Variants in GNAL observed in about 807,000 individuals in gnomAD.
The protein encoded by GNAL is guanine nucleotide-binding protein G(olf) subunit alpha.
Under a neutral mutation model 55.1 loss-of-function variants are expected in GNAL, and 18 were observed. The ratio of observed to expected loss-of-function variants is 0.33; its 90% CI spans 0.23 to 0.48. GNAL has a LOEUF of 0.48. Ranked by LOEUF, GNAL falls within the 20% of genes least tolerant of loss-of-function variation. The probability of loss-of-function intolerance (pLI) is 0.99; values close to 1 mark genes in which losing one functional copy is unlikely to be tolerated. For synonymous variants in GNAL, 253 were observed against 237.0 expected (o/e 1.07, Z -0.62); for missense variants, 412 against 614.1 (o/e 0.67, Z 3.48).
chr18:11,782,792 T>G (rs2033956030), intron 4 of GNAL, among the ~76,000 whole-genome samples: 1 of 152,250 alleles, frequency 6.6e-6, no homozygotes, highest in Admixed American at 6.5e-5. Context: ...TTTTCTAGTT[T>G]AGAAACATGT....
chr18:11,883,633 A>G lies in GNAL; in HGVS notation c.*2498A>G, dbSNP rs931205312. 1.3e-5 allele frequency: 2 copies of G among 153,360 alleles called. No individual in the cohort carries two copies. The highest frequency in any genetic ancestry group is 4.8e-5 in the African/African-American group (2 of 41,446). The allele number at this position is 153,360 out of a possible 1,614,324, so 9.5% of individuals were successfully genotyped here. A position where few individuals can be genotyped will look rare whatever the true frequency, so the allele number is the denominator to read the frequency against. On this transcript the variant is annotated 3_prime_UTR_variant, in exon 12 of 12. Transcript: ENST00000334049. ...ACTTATCTAAAAATCTGATTCCATT[A>G]ATTGATCAAGTATAAAAATCTACGA... is the stretch of plus-strand genomic sequence containing the variant.
chr18:11,836,303 G>A (rs2035497197), intron 5 of GNAL, among the ~76,000 whole-genome samples: 2 of 152,032 alleles, frequency 1.3e-5, no homozygotes, highest in African/African-American at 4.8e-5. Context: ...AAAATTAGCT[G>A]GGCATGGTGG....
chr18:11,698,912 G>T (rs2031489559), intron 1 of GNAL, among the ~76,000 whole-genome samples: 1 of 151,830 alleles, frequency 6.6e-6, no homozygotes, highest in East Asian at 1.9e-4. Context: ...TTAATGGCAA[G>T]CAGGTTTTTC....
intron 4 of GNAL, among the ~76,000 whole-genome samples, chr18:11,815,050 C>G (rs1360914001): frequency 6.6e-6 from 1 of 152,102 alleles, no homozygotes; most frequent in African/African-American, 2.4e-5. Flanking sequence ...TTTGGGCATT[C>G]TATTACACAG....
rs753836093 is a variant in GNAL at position 11,862,456 on chromosome 18, G to A, written c.777+7G>A. 1.9e-6 allele frequency: 3 copies of A among 1,592,244 alleles called. No individual in the cohort carries two copies. The highest frequency in any genetic ancestry group is 2.2e-5 in the South Asian group (2 of 90,582). On this transcript the variant is annotated splice_region_variant and intron_variant, in intron 6 of 11. Transcript: ENST00000334049. The stretch of plus-strand genomic sequence containing the variant: ...CTACACACCCACAGACCAGGTATGT[G>A]GAATTAGGGTCCCCCACCACACACC...
At chr18:11,737,764 C>T (rs1346863300) in intron 1 of GNAL, among the ~76,000 whole-genome samples, 4 of 152,232 alleles carry the variant, frequency 2.6e-5, no homozygotes, top group Non-Finnish European at 5.9e-5. Flanking sequence ...CATATCAGCC[C>T]AGAGGAAGGG....
At chr18:11,714,726 A>C (rs940312253) in intron 1 of GNAL, among the ~76,000 whole-genome samples, 1 of 152,234 alleles carries the variant, frequency 6.6e-6, no homozygotes, top group Non-Finnish European at 1.5e-5. Flanking sequence ...TAGGTGACCT[A>C]TCTTCTGTCT....
rs529728587 is a variant in GNAL, at chr18:11,885,527, G to A, written c.*4392G>A. On this transcript the variant is annotated 3_prime_UTR_variant, in exon 12 of 12. Coordinates refer to ENST00000334049, the MANE Select transcript of GNAL (RefSeq NM_182978.4). ...TGGTTCCCGGAAGGGTGTTTGGCAA[G>A]GGGCAGTGTATGGAGCTACGTGTAG... 19 of 900,672 alleles carry A rather than the reference G, an allele frequency of 2.1e-5. No homozygotes were observed. The African/African-American group carries it at 3.0e-4, about 14-fold the overall frequency. 55.8% of individuals were successfully genotyped at this position (900,672 alleles called of 1,614,324 possible).
At chr18:11,790,916 C>G (rs1193996569) in intron 4 of GNAL, among the ~76,000 whole-genome samples, 2 of 152,100 alleles carry the variant, frequency 1.3e-5, no homozygotes, top group Non-Finnish European at 2.9e-5. Flanking sequence ...CTCAGCTTCC[C>G]TAAGTTCTGG....
chr18:11,779,854 C>T (rs772721912), intron 4 of GNAL, among the ~76,000 whole-genome samples: 8 of 152,170 alleles, frequency 5.3e-5, no homozygotes, highest in Non-Finnish European at 8.8e-5. Flanking sequence ...CATTTCCTTG[C>T]CTCATACTAC....
intron 1 of GNAL, among the ~76,000 whole-genome samples, chr18:11,700,917 G>A (rs2031552018): frequency 1.3e-5 from 2 of 152,184 alleles, no homozygotes; most frequent in Non-Finnish European, 2.9e-5. Context: ...AGTCACAAGG[G>A]AAAAGGCCAT....
rs753005183 is a variant in GNAL, at chr18:11,885,132, C to T, written c.*3997C>T. On this transcript the variant is annotated 3_prime_UTR_variant, in exon 12 of 12. Transcript: ENST00000334049. ...CAACAGTGGCAAATGTTTTCATTTA[C>T]TTTGAATTTGAAAATGTTAGGGTTT... is the stretch of plus-strand genomic sequence containing the variant. 4 of 1,036,636 alleles carry T rather than the reference C, an allele frequency of 3.9e-6. No individual in the cohort carries two copies. Among genetic ancestry groups the T allele is most frequent in the Non-Finnish European group, 5.0e-6 (4 of 796,940 alleles). The allele number at this position is 1,036,636 out of a possible 1,614,324, so 64.2% of individuals were successfully genotyped here.
Position 11,749,177 on chromosome 18 carries a change from T to A in GNAL, c.377-3676T>A, listed in dbSNP as rs2032758836. 2.0e-5 allele frequency among the ~76,000 whole-genome samples: 3 copies of A among 148,372 alleles called. No homozygotes were observed. In the South Asian group the frequency reaches 6.5e-4, roughly 32 times the overall value. The stretch of plus-strand genomic sequence containing the variant: ...CCTCACCTTCTGACTGCCCCACTAG[T>A]CATAGCGCATGCTGGGTTGATATTG... On this transcript the variant is annotated intron_variant, in intron 1 of 11. Coordinates refer to ENST00000334049, the MANE Select transcript of GNAL (RefSeq NM_182978.4).
chr18:11,849,995 C>T (rs774635609), intron 5 of GNAL, among the ~76,000 whole-genome samples: 5 of 152,120 alleles, frequency 3.3e-5, no homozygotes, highest in Non-Finnish European at 5.9e-5. Flanking sequence ...TATGGCCACA[C>T]AGAGGAGGAG....
At chr18:11,800,608 A>G (rs967180098) in intron 4 of GNAL, among the ~76,000 whole-genome samples, 23 of 152,222 alleles carry the variant, frequency 1.5e-4, no homozygotes, top group Non-Finnish European at 1.5e-5. Context: ...CCCTGAGGCC[A>G]TGGCCCAGGT....
chr18:11,711,924 G>C (rs1235173314), intron 1 of GNAL, among the ~76,000 whole-genome samples: 1 of 152,214 alleles, frequency 6.6e-6, no homozygotes. Flanking sequence ...TTTTTCTGTG[G>C]ATGTGTCTTC....
intron 4 of GNAL, among the ~76,000 whole-genome samples, chr18:11,802,120 T>C (rs1598471850): frequency 2.0e-5 from 3 of 152,182 alleles, no homozygotes; most frequent in Admixed American, 1.3e-4. Flanking sequence ...GAAAATTTCA[T>C]TTTCTTTATA....
chr18:11,746,022 G>GT (rs979921386), intron 1 of GNAL: 2 of 324,458 alleles, frequency 6.2e-6, no homozygotes, highest in Non-Finnish European at 1.2e-5. Context: ...GTCGGGTTTT[G>GT]TTTAAAGCCG....
chr18:11,690,220 G>A lies in GNAL; in HGVS notation c.376+281G>A, dbSNP rs572550405. ...CTGCCGCTCGCTCTCTCTAATTAAT[G>A]AGCCTCTCTGGGAAGTCTCCCCCTC... On this transcript the variant is annotated intron_variant, in intron 1 of 11. Transcript: ENST00000334049. Among the ~76,000 whole-genome samples the A allele has an allele frequency of 2.0e-5, 3 of 152,268 alleles. No homozygotes were observed. In the East Asian group the frequency reaches 5.8e-4, roughly 29 times the overall value.
Sources: gnomAD v4.1 joint callset for allele counts (sites outside exome capture counted in the v4.1 genomes callset) on GRCh38, gnomAD v4.1.1 for gene constraint, MANE v1.5 for transcripts, NCBI Gene and HGNC (gene_info 2026-07-23, HGNC 2026-07-21) for gene names.